The following ZNF860 variants were observed in gnomAD, a reference collection of about 807,000 sequenced individuals.
ZNF860 encodes zinc finger protein 860.
For missense variants in ZNF860, 641 were observed against 759.2 expected, an observed-to-expected ratio of 0.84 and a Z score of 1.83; for synonymous variants, 206 against 248.9, an observed-to-expected ratio of 0.83 and a Z score of 1.62.
chr3:31,982,665 C>G (rs1036157696), intron 1 of ZNF860, among the ~76,000 whole-genome samples: 3 of 145,578 alleles, frequency 2.1e-5, no homozygotes, highest in Admixed American at 6.9e-5. Context: ...AAAAAAAAAT[C>G]TGAAAAGAGC....
chr3:32,000,949 C>T, the ZNF860 span, among the ~76,000 whole-genome samples: 4 of 152,186 alleles, frequency 2.6e-5, no homozygotes, highest in Non-Finnish European at 4.4e-5. Context: ...AAAGACTGTC[C>T]TTAACCTGTG....
chr3:31,990,895 C>T lies in ZNF860; in HGVS notation c.1816C>T (p.His606Tyr), dbSNP rs747613881. ...TGATTGTGGCAAAGCCTTTACTTCACATTCACATCGCATTAGACATCAGAG... is the reference window on the plus strand; with the variant it reads ...TGATTGTGGCAAAGCCTTTACTTCATATTCACATCGCATTAGACATCAGAG... ...CDDCGKAFTSHSHRIRHQRIH... is the reference protein window; with the variant it reads ...CDDCGKAFTSYSHRIRHQRIH... The change falls in exon 2 of 2, where the codon CAT becomes TAT. Residue 606 changes from histidine to tyrosine, a missense_variant. Transcript: ENST00000360311. 1.5e-5 allele frequency: 23 copies of T among 1,575,328 alleles called. No homozygotes were observed. Among genetic ancestry groups the T allele is most frequent in the Non-Finnish European group, 1.9e-5 (22 of 1,159,224 alleles).
chr3:31,997,697 G>C, the ZNF860 span, among the ~76,000 whole-genome samples: 1 of 152,044 alleles, frequency 6.6e-6, no homozygotes, highest in Non-Finnish European at 1.5e-5. Flanking sequence ...CGAACATCTG[G>C]AGATGGGAGA....
At position 31,981,912 on chromosome 3, in the gene ZNF860, C is replaced by G. The variant is rs1698857072; in HGVS notation, c.-421+10C>G. 6.6e-6 allele frequency: 1 copy of G among 152,158 alleles called. No homozygotes were observed. The highest frequency in any genetic ancestry group is 6.5e-5 in the Admixed American group (1 of 15,286). The allele number at this position is 152,158 out of a possible 1,614,324, so 9.4% of individuals were successfully genotyped here. On this transcript the variant is annotated intron_variant, in intron 1 of 1. Coordinates refer to ENST00000360311, the MANE Select transcript of ZNF860 (RefSeq NM_001137674.3). The surrounding 1 kb of genome is among the most constrained non-coding windows in gnomAD (Gnocchi z 4.5). ...CAGGTGATCCTCACAGGTAAGCTCG[C>G]CGGGCATTTTCATGCAGCAGGATTA...
chr3:32,003,569 A>G, the ZNF860 span, among the ~76,000 whole-genome samples: 7 of 152,230 alleles, frequency 4.6e-5, no homozygotes, highest in African/African-American at 1.7e-4. Context: ...TGTTTCTGAG[A>G]ACTGAATATA....
At chr3:31,991,758 G>T (rs1348799087), downstream of ZNF860, 1 of 152,926 alleles carries the variant, frequency 6.5e-6, no homozygotes, top group Non-Finnish European at 1.5e-5. Flanking sequence ...CCTGAAACAT[G>T]CCATTTTTTG....
At chr3:31,999,309 A>G in the ZNF860 span, among the ~76,000 whole-genome samples, 1 of 152,030 alleles carries the variant, frequency 6.6e-6, no homozygotes, top group Non-Finnish European at 1.5e-5. Flanking sequence ...CTTTTCAATG[A>G]ATGTGATTAT....
At chr3:31,992,165 T>TA (rs772006558), downstream of ZNF860, among the ~76,000 whole-genome samples, 1 of 147,112 alleles carries the variant, frequency 6.8e-6, no homozygotes, top group Non-Finnish European at 1.5e-5. Context: ...AAAAAAAAGA[T>TA]ATGTCAGTGT....
the ZNF860 span, among the ~76,000 whole-genome samples, chr3:32,000,090 C>T: frequency 3.3e-5 from 5 of 152,208 alleles, no homozygotes; most frequent in South Asian, 1.0e-3. Context: ...CTAAGTCAGC[C>T]TTCATTTCCT....
At chr3:31,984,068 C>G (rs1698900161) in intron 1 of ZNF860, among the ~76,000 whole-genome samples, 1 of 151,882 alleles carries the variant, frequency 6.6e-6, no homozygotes, top group Non-Finnish European at 1.5e-5. Flanking sequence ...ACTGGAGTCT[C>G]GCTCTGTCAC....
At chr3:31,999,639 G>T in the ZNF860 span, among the ~76,000 whole-genome samples, 1 of 152,148 alleles carries the variant, frequency 6.6e-6, no homozygotes, top group South Asian at 2.1e-4. Flanking sequence ...GGGATTACAG[G>T]TGTGAGCCAC....
intron 1 of ZNF860, among the ~76,000 whole-genome samples, chr3:31,983,255 C>T (rs1262413994): frequency 2.0e-5 from 3 of 152,328 alleles, no homozygotes; most frequent in Admixed American, 6.5e-5. Flanking sequence ...TAGGTGCATA[C>T]TGGACTATAA....
At chr3:31,987,415 A>T (rs7634140) in intron 1 of ZNF860, among the ~76,000 whole-genome samples, 45,881 of 152,134 alleles carry the variant, frequency 0.3, 9,024 homozygotes, top group African/African-American at 0.55. Context: ...TCTTTAAATA[A>T]CCTTTTACAT....
chr3:32,003,646 T>C, the ZNF860 span, among the ~76,000 whole-genome samples: 1 of 152,214 alleles, frequency 6.6e-6, no homozygotes, highest in Non-Finnish European at 1.5e-5. Context: ...GATAATCCTC[T>C]TTCTCGTCTC....
Position 31,989,458 on chromosome 3 carries a change from A to G in ZNF860, c.379A>G (p.Thr127Ala). ...AGACAAAAGAAATAGCCATGAAGCAACTATGACACAAATCAAAAAGTTGAC... is the reference window on the plus strand; with the variant it reads ...AGACAAAAGAAATAGCCATGAAGCAGCTATGACACAAATCAAAAAGTTGAC... ...QEDKRNSHEA[T>A]MTQIKKLTGS... Residue 127 changes from threonine (T) to alanine (A), a missense_variant, in exon 2 of 2, where the codon ACT (threonine) becomes GCT (alanine). Transcript: ENST00000360311. 1 of 1,614,250 alleles carries G rather than the reference A, an allele frequency of 6.2e-7. No homozygotes were observed. The highest frequency in any genetic ancestry group is 1.1e-5 in the South Asian group (1 of 91,086).
chr3:31,993,164 C>CTTATTTAATT (rs1699052202), downstream of ZNF860, among the ~76,000 whole-genome samples: 1 of 129,032 alleles, frequency 7.8e-6, no homozygotes. Flanking sequence ...GTAAGAAAAC[C>CTTATTTAATT]TTATTTTATT....
At chr3:31,996,793 TA>T in the ZNF860 span, among the ~76,000 whole-genome samples, 1 of 152,032 alleles carries the variant, frequency 6.6e-6, no homozygotes, top group South Asian at 2.1e-4. Flanking sequence ...GTGCAGAACT[TA>T]AAAAAATAAA....
the ZNF860 span, among the ~76,000 whole-genome samples, chr3:31,997,427 G>C: frequency 1.6e-3 from 242 of 151,850 alleles, 3 homozygotes; most frequent in African/African-American, 5.6e-3. Flanking sequence ...ACCACACCCA[G>C]CTAATTTTTC....
the ZNF860 span, among the ~76,000 whole-genome samples, chr3:32,005,623 CTG>C: frequency 1.2e-3 from 186 of 152,288 alleles, no homozygotes; most frequent in Middle Eastern, 3.4e-3. Flanking sequence ...GAGTTTCACT[CTG>C]TTGCCAGGCT....
Sources: gnomAD v4.1 joint callset for allele counts (sites outside exome capture counted in the v4.1 genomes callset) on GRCh38, gnomAD v4.1.1 for gene constraint, Gnocchi (gnomAD v3.1) non-coding constraint, MANE v1.5 for transcripts, NCBI Gene and HGNC (gene_info 2026-07-23, HGNC 2026-07-21) for gene names.